The following ITGAV variants were observed in gnomAD, a reference collection of about 807,000 sequenced individuals.
ITGAV encodes integrin subunit alpha V, also known as integrin alpha-V.
ITGAV carries 76 observed loss-of-function variants against 143.8 expected under a neutral mutation model. The observed-to-expected ratio is 0.53, with a 90% CI of 0.44 to 0.64. The LOEUF is 0.64. Among genes scored for constraint, ITGAV ranks in the 30% least tolerant of loss-of-function variants. ITGAV has a pLI of 0.00. For synonymous variants in ITGAV, 453 were observed against 446.7 expected, an observed-to-expected ratio of 1.01 and a Z score of -0.18; for missense variants, 1,193 against 1,274.7, an observed-to-expected ratio of 0.94 and a Z score of 0.98.
chr2:186,649,703 A>G (rs9917243), intron 13 of ITGAV, 137 bp from the exon 14 acceptor site: 6,141 of 510,620 alleles, frequency 0.012, 300 homozygotes, highest in African/African-American at 0.11. Context: ...TTAGCCTTTT[A>G]TATGATGTCT....
At position 186,646,461 on chromosome 2, in the gene ITGAV, G is replaced by A. The variant is rs185571491; in HGVS notation, c.1160-225G>A. 5.4e-3 allele frequency among the ~76,000 whole-genome samples: 827 copies of A among 152,166 alleles called. 1 individual carries two copies. The highest frequency in any genetic ancestry group is 8.6e-3 in the Non-Finnish European group (586 of 68,006). On this transcript the variant is annotated intron_variant, in intron 12 of 29. Coordinates refer to ENST00000261023, the MANE Select transcript of ITGAV (RefSeq NM_002210.5). Reference sequence around the variant, plus strand: ...TTGAGTTTCCTTGAATTAGATTATTGCTTATGGATAAAGAGTACCCTACTG... The same window carrying A: ...TTGAGTTTCCTTGAATTAGATTATTACTTATGGATAAAGAGTACCCTACTG...
At chr2:186,598,678 C>G (rs1202914922) in intron 1 of ITGAV, among the ~76,000 whole-genome samples, 1 of 152,132 alleles carries the variant, frequency 6.6e-6, no homozygotes, top group East Asian at 1.9e-4. Flanking sequence ...ATCTGTCTGC[C>G]TCAGCCGCCC....
At chr2:186,642,387 G>A (rs951153531) in intron 12 of ITGAV, among the ~76,000 whole-genome samples, 1 of 149,352 alleles carries the variant, frequency 6.7e-6, no homozygotes, top group Non-Finnish European at 1.5e-5. Context: ...ATGACTTGTT[G>A]TATGTCTCAA....
At chr2:186,615,584 T>A (rs1687331290) in intron 2 of ITGAV, among the ~76,000 whole-genome samples, 1 of 152,288 alleles carries the variant, frequency 6.6e-6, no homozygotes, top group East Asian at 1.9e-4. Flanking sequence ...TTCTTGTGCT[T>A]ACTGGCTGTT....
At position 186,590,065 on chromosome 2, in the gene ITGAV, C is replaced by G; in HGVS notation, c.-274C>G. On this transcript the variant is annotated 5_prime_UTR_variant, in exon 1 of 30. Coordinates refer to ENST00000261023, the MANE Select transcript of ITGAV (RefSeq NM_002210.5). ...CGGCGCTCACCCCGGCAGTCCCCAG[C>G]CTCAGACGCTGCGTGGAGCGGCGGA... 5.4e-6 allele frequency: 2 copies of G among 372,778 alleles called. No homozygotes were observed. The highest frequency in any genetic ancestry group is 4.7e-6 in the Non-Finnish European group (1 of 211,760). 23.1% of individuals were successfully genotyped at this position (372,778 alleles called of 1,614,324 possible).
At chr2:186,606,473 G>T (rs1687068554) in intron 2 of ITGAV, among the ~76,000 whole-genome samples, 2 of 152,146 alleles carry the variant, frequency 1.3e-5, no homozygotes, top group Non-Finnish European at 2.9e-5. Context: ...AAAGTGCTTA[G>T]GACAGGGATT....
At chr2:186,618,539 G>C (rs1687431861) in intron 2 of ITGAV, among the ~76,000 whole-genome samples, 1 of 152,226 alleles carries the variant, frequency 6.6e-6, no homozygotes, top group Non-Finnish European at 1.5e-5. Context: ...GAACATGGTA[G>C]CTTTGCAAGC....
intron 6 of ITGAV, among the ~76,000 whole-genome samples, chr2:186,635,804 C>T (rs1273749416): frequency 2.0e-5 from 3 of 151,952 alleles, no homozygotes; most frequent in Admixed American, 1.3e-4. Context: ...TTTATTATTC[C>T]GTGTATTTAA....
intron 26 of ITGAV, among the ~76,000 whole-genome samples, chr2:186,671,631 C>T (rs1436689905): frequency 6.6e-6 from 1 of 152,108 alleles, no homozygotes; most frequent in African/African-American, 2.4e-5. Context: ...ACAAAACTTA[C>T]ACAAAATTAA....
At chr2:186,658,633 A>G (rs1688653836) in intron 17 of ITGAV, among the ~76,000 whole-genome samples, 1 of 152,154 alleles carries the variant, frequency 6.6e-6, no homozygotes, top group Admixed American at 6.5e-5. Flanking sequence ...GATGGATCTT[A>G]AGAGTGTAGG....
chr2:186,602,224 TG>T (rs1353470423), intron 2 of ITGAV, 73 bp downstream of exon 2: 1 of 1,309,192 alleles, frequency 7.6e-7, no homozygotes, highest in Non-Finnish European at 1.1e-6. Context: ...TTAGTTTAAA[TG>T]TAGCCATTTA....
chr2:186,600,522 T>C (rs1574459496), intron 1 of ITGAV: 1 of 1,167,310 alleles, frequency 8.6e-7, no homozygotes, highest in Non-Finnish European at 1.2e-6. Flanking sequence ...AGATAACTGC[T>C]CTGTCTAAAG....
Sources: allele counts gnomAD v4.1 joint callset (sites outside exome capture counted in the v4.1 genomes callset), GRCh38; gene constraint gnomAD v4.1.1; transcripts MANE v1.5; gene names NCBI Gene and HGNC (gene_info 2026-07-23, HGNC 2026-07-21).